PREX2: variants seen among roughly 807,000 people sequenced by gnomAD.
PREX2 encodes phosphatidylinositol 3,4,5-trisphosphate-dependent Rac exchanger 2 protein.
PREX2 carries 107 observed loss-of-function variants against 203.2 expected under a neutral mutation model. That is an observed-to-expected ratio of 0.53 (90% CI 0.45 to 0.62). PREX2 has a LOEUF of 0.62. Ranked by LOEUF, PREX2 falls within the 20% of genes least tolerant of loss-of-function variation. The probability of loss-of-function intolerance (pLI) is 0.00; values close to 1 mark genes in which losing one functional copy is unlikely to be tolerated. For missense variants in PREX2, 1,777 were observed against 1,955.9 expected (o/e 0.91, Z 1.72); for synonymous variants, 672 against 663.6 (o/e 1.01, Z -0.19).
chr8:68,120,080 T>G, intron 28 of PREX2, 116 bp from the exon 29 acceptor site: 2 of 623,802 alleles, frequency 3.2e-6, no homozygotes, highest in East Asian at 2.8e-5. Context: ...ACAAGCATCA[T>G]GGGGTTTCAA....
At chr8:68,159,322 A>T (rs1811608000) in intron 35 of PREX2, among the ~76,000 whole-genome samples, 2 of 152,230 alleles carry the variant, frequency 1.3e-5, no homozygotes, top group South Asian at 4.1e-4. Context: ...ATTTATTTGC[A>T]AAATAAGTTT....
chr8:68,211,121 A>G (rs56335415), intron 37 of PREX2, among the ~76,000 whole-genome samples: 94,483 of 152,080 alleles, frequency 0.62, 32,758 homozygotes, highest in Middle Eastern at 0.8. Context: ...TTAGTTCTAC[A>G]GTTTGCTGTG....
rs1806265038 is a variant in PREX2 at position 67,981,350 on chromosome 8, G to A, written c.141+28815G>A. Among the ~76,000 whole-genome samples, 4 of 152,168 alleles carry A rather than the reference G, an allele frequency of 2.6e-5. No individual in the cohort carries two copies. In the South Asian group the frequency reaches 8.3e-4, roughly 32 times the overall value. On this transcript the variant is annotated intron_variant, in intron 1 of 39. Coordinates refer to ENST00000288368, the MANE Select transcript of PREX2 (RefSeq NM_024870.4). ...AGTTACAGAGAAAAGAATGGCCAGAGGAAGGAAACCAATGTAGTGGAAGTC... is the reference window on the plus strand; with the variant it reads ...AGTTACAGAGAAAAGAATGGCCAGAAGAAGGAAACCAATGTAGTGGAAGTC...
At chr8:68,143,697 A>G (rs771978100) in intron 33 of PREX2, among the ~76,000 whole-genome samples, 2 of 152,100 alleles carry the variant, frequency 1.3e-5, no homozygotes, top group Non-Finnish European at 2.9e-5. Context: ...TTTACATTTG[A>G]TGGGATATAG....
intron 12 of PREX2, 124 bp downstream of exon 12, chr8:68,069,260 A>C: frequency 1.7e-6 from 1 of 583,828 alleles, no homozygotes; most frequent in Non-Finnish European, 3.0e-6. Flanking sequence ...CTATATATAC[A>C]AGCAAGCCTC....
chr8:67,999,244 G>A (rs4421337), intron 1 of PREX2, among the ~76,000 whole-genome samples: 104,076 of 151,626 alleles, frequency 0.69, 35,937 homozygotes, highest in South Asian at 0.81. Context: ...AATAAAGAAG[G>A]AAAGAGAGAA....
At chr8:68,061,054 A>G (rs1336973243) in intron 11 of PREX2, among the ~76,000 whole-genome samples, 3 of 152,178 alleles carry the variant, frequency 2.0e-5, no homozygotes, top group Non-Finnish European at 4.4e-5. Context: ...GTTCTATAGT[A>G]ATTAGAGTAT....
intron 1 of PREX2, among the ~76,000 whole-genome samples, chr8:67,971,860 G>A (rs1432133797): frequency 3.9e-5 from 6 of 152,168 alleles, no homozygotes; most frequent in African/African-American, 9.7e-5. Flanking sequence ...CTCCTGACGT[G>A]GGAAAGGAAG....
Position 68,029,833 on chromosome 8 carries a change from A to G in PREX2, c.544-664A>G, listed in dbSNP as rs1033662935. Among the ~76,000 whole-genome samples the G allele has an allele frequency of 1.6e-4, 24 of 152,150 alleles. 1 individual carries two copies. Among genetic ancestry groups the G allele is most frequent in the African/African-American group, 5.8e-4 (24 of 41,448 alleles). ...GTTTTGATGAATGGGAAAAATATAA[A>G]TAAAAAGACCCTCCAAATCCCCTAA... is the stretch of plus-strand genomic sequence containing the variant. On this transcript the variant is annotated intron_variant, in intron 5 of 39. Transcript: ENST00000288368.
intron 33 of PREX2, among the ~76,000 whole-genome samples, chr8:68,143,341 C>T (rs546588460): frequency 6.6e-6 from 1 of 152,198 alleles, no homozygotes; most frequent in East Asian, 1.9e-4. Context: ...TCCCAGCTTG[C>T]TCTCTTGCTC....
chr8:67,980,098 A>T (rs934825963), intron 1 of PREX2, among the ~76,000 whole-genome samples: 5 of 152,218 alleles, frequency 3.3e-5, no homozygotes, highest in Non-Finnish European at 7.3e-5. Context: ...AAGAGGTGAA[A>T]AAGTTTTTCT....
Position 68,186,005 on chromosome 8 carries a change from G to A in PREX2, c.4347-5717G>A. On this transcript the variant is annotated intron_variant, in intron 35 of 39. Coordinates refer to ENST00000288368, the MANE Select transcript of PREX2 (RefSeq NM_024870.4). ...TTTTCCCATAAAATTTGATTAAGGA[G>A]CATTGCAAGACTTTTTTAATTAAGG... 1.6e-5 allele frequency among the ~76,000 whole-genome samples: 2 copies of A among 128,488 alleles called. 1 individual carries two copies. Among genetic ancestry groups the A allele is most frequent in the Non-Finnish European group, 3.4e-5 (2 of 58,200 alleles). 84.3% of individuals were successfully genotyped at this position (128,488 alleles called of 152,430 possible). A position where few individuals can be genotyped will look rare whatever the true frequency, so the allele number is the denominator to read the frequency against.
chr8:68,202,241 C>T (rs896227997), intron 37 of PREX2, among the ~76,000 whole-genome samples: 1 of 152,050 alleles, frequency 6.6e-6, no homozygotes, highest in Admixed American at 6.5e-5. Context: ...CCTCACCAGG[C>T]AATGAAAGTG....
rs1262173096 is a variant in PREX2 at position 68,231,477 on chromosome 8, C to T, written c.*99C>T. Reference sequence around the variant, plus strand: ...ATTCTCCACTGAAGATACATCAATGCTTTTTTTTTTTTTTTTTTCTGTAAA... The same window carrying T: ...ATTCTCCACTGAAGATACATCAATGTTTTTTTTTTTTTTTTTTTCTGTAAA... On this transcript the variant is annotated 3_prime_UTR_variant, in exon 40 of 40. Transcript: ENST00000288368. 30 of 473,136 alleles carry T rather than the reference C, an allele frequency of 6.3e-5. No individual in the cohort carries two copies. Among genetic ancestry groups the T allele is most frequent in the South Asian group, 2.5e-4 (5 of 20,178 alleles). 29.3% of individuals were successfully genotyped at this position (473,136 alleles called of 1,614,324 possible). A position where few individuals can be genotyped will look rare whatever the true frequency, so the allele number is the denominator to read the frequency against.
chr8:68,090,737 C>T, intron 20 of PREX2, 22 bp downstream of exon 20: 3 of 1,606,664 alleles, frequency 1.9e-6, no homozygotes, highest in Non-Finnish European at 2.6e-6. Context: ...TTCAGATAAT[C>T]TGGATCTGAG....
At chr8:67,998,551 C>T (rs1385624670) in intron 1 of PREX2, among the ~76,000 whole-genome samples, 1 of 152,174 alleles carries the variant, frequency 6.6e-6, no homozygotes, top group East Asian at 1.9e-4. Context: ...AGGAAGATCG[C>T]TTGAGGTGAG....
At chr8:68,216,528 T>G (rs538788632) in intron 37 of PREX2, among the ~76,000 whole-genome samples, 4 of 152,236 alleles carry the variant, frequency 2.6e-5, no homozygotes, top group Non-Finnish European at 5.9e-5. Flanking sequence ...AAAAGAACAT[T>G]TTTTTAATGT....
intron 35 of PREX2, among the ~76,000 whole-genome samples, chr8:68,182,835 T>C (rs948435618): frequency 3.3e-5 from 5 of 151,678 alleles, no homozygotes; most frequent in Admixed American, 1.3e-4. Context: ...CTCAGTATAA[T>C]AGAGCTGGAT....
intron 8 of PREX2, 57 bp downstream of exon 8, chr8:68,044,647 T>G: frequency 8.4e-7 from 1 of 1,184,742 alleles, no homozygotes; most frequent in Non-Finnish European, 1.3e-6. Context: ...AACTCCTTTG[T>G]AAGACAGATT....
Sources: allele counts gnomAD v4.1 joint callset (sites outside exome capture counted in the v4.1 genomes callset), GRCh38; gene constraint gnomAD v4.1.1; transcripts MANE v1.5; gene names NCBI Gene and HGNC (gene_info 2026-07-23, HGNC 2026-07-21).